Variants in SPMAP2L observed in about 807,000 individuals in gnomAD.
The protein encoded by SPMAP2L is sperm microtubule associated protein 2 like, also known as sperm microtubule associated protein 2-like.
the SPMAP2L span, among the ~76,000 whole-genome samples, chr4:56,544,724 G>A: frequency 2.6e-5 from 4 of 152,196 alleles, no homozygotes; most frequent in African/African-American, 9.7e-5. Flanking sequence ...CTGGTGGCCT[G>A]GTTGCCGGCC....
chr4:56,576,041 A>G, the SPMAP2L span, among the ~76,000 whole-genome samples: 1 of 152,242 alleles, frequency 6.6e-6, no homozygotes, highest in Non-Finnish European at 1.5e-5. Flanking sequence ...TACATTTTCC[A>G]TGGGAGCTAA....
At chr4:56,550,628 C>G in the SPMAP2L span, among the ~76,000 whole-genome samples, 1 of 151,960 alleles carries the variant, frequency 6.6e-6, no homozygotes, top group Non-Finnish European at 1.5e-5. Flanking sequence ...AGTTTGTGTC[C>G]CATAAATTTT....
chr4:56,619,875 A>G, the SPMAP2L span, among the ~76,000 whole-genome samples: 9 of 142,686 alleles, frequency 6.3e-5, no homozygotes, highest in Non-Finnish European at 1.1e-4. Flanking sequence ...TACTAAAAAA[A>G]CAAAAACAAA....
chr4:56,572,191 A>C, the SPMAP2L span, among the ~76,000 whole-genome samples: 1 of 152,228 alleles, frequency 6.6e-6, no homozygotes, highest in Non-Finnish European at 1.5e-5. Flanking sequence ...TTTACAGGGA[A>C]GTTAAAAAAA....
At chr4:56,588,300 C>CA in the SPMAP2L span, among the ~76,000 whole-genome samples, 1 of 152,176 alleles carries the variant, frequency 6.6e-6, no homozygotes, top group Non-Finnish European at 1.5e-5. Flanking sequence ...TTTTGCTGTG[C>CA]AAAAGCTCTT....
chr4:56,574,791 G>A, the SPMAP2L span, among the ~76,000 whole-genome samples: 2 of 151,974 alleles, frequency 1.3e-5, no homozygotes, highest in East Asian at 1.9e-4. Flanking sequence ...ACCAGCCTGG[G>A]GAACATAGTG....
chr4:56,564,624 C>T, the SPMAP2L span, among the ~76,000 whole-genome samples: 1 of 151,956 alleles, frequency 6.6e-6, no homozygotes, highest in Non-Finnish European at 1.5e-5. Flanking sequence ...TTTTTGGTTC[C>T]ATTGATTTTC....
chr4:56,562,227 T>C, the SPMAP2L span, among the ~76,000 whole-genome samples: 350 of 152,158 alleles, frequency 2.3e-3, 1 homozygote, highest in Non-Finnish European at 4.0e-3. Context: ...TTCGGAGGGA[T>C]CAAGGAGGAG....
chr4:56,572,398 C>T, the SPMAP2L span, among the ~76,000 whole-genome samples: 5,469 of 152,258 alleles, frequency 0.036, 131 homozygotes, highest in Middle Eastern at 0.11. Context: ...GGTCATTACA[C>T]GGTGCTTGAC....
chr4:56,561,715 A>G, the SPMAP2L span, among the ~76,000 whole-genome samples: 1 of 151,884 alleles, frequency 6.6e-6, no homozygotes, highest in African/African-American at 2.4e-5. Context: ...ACCATACTGG[A>G]AATCAAATTT....
the SPMAP2L span, among the ~76,000 whole-genome samples, chr4:56,544,779 G>A: frequency 1.3e-5 from 2 of 152,210 alleles, no homozygotes; most frequent in African/African-American, 4.8e-5. Context: ...CTGGCCCGAG[G>A]GCGGGAGGGA....
the SPMAP2L span, among the ~76,000 whole-genome samples, chr4:56,619,035 C>T: frequency 6.6e-6 from 1 of 152,256 alleles, no homozygotes. Context: ...TTTGCTTTCC[C>T]CTGGTCCTAC....
the SPMAP2L span, among the ~76,000 whole-genome samples, chr4:56,561,038 G>C: frequency 6.6e-6 from 1 of 152,132 alleles, no homozygotes; most frequent in Non-Finnish European, 1.5e-5. Flanking sequence ...GAGCCATCAC[G>C]CCTGGCCAGA....
the SPMAP2L span, among the ~76,000 whole-genome samples, chr4:56,559,843 A>C: frequency 6.6e-6 from 1 of 152,212 alleles, no homozygotes; most frequent in Admixed American, 6.5e-5. Context: ...CTGGGATTAC[A>C]GGCATGAGCC....
At chr4:56,591,840 G>A in the SPMAP2L span, among the ~76,000 whole-genome samples, 1 of 152,104 alleles carries the variant, frequency 6.6e-6, no homozygotes, top group African/African-American at 2.4e-5. Flanking sequence ...ATTGGCTTTG[G>A]CTTCTTTTTC....
the SPMAP2L span, among the ~76,000 whole-genome samples, chr4:56,548,989 TTC>T: frequency 5.6e-5 from 8 of 143,410 alleles, no homozygotes; most frequent in Admixed American, 1.4e-4. Context: ...TTTTCTTTCT[TTC>T]TTTTTTTTTT....
At chr4:56,554,354 T>C in the SPMAP2L span, among the ~76,000 whole-genome samples, 1 of 152,236 alleles carries the variant, frequency 6.6e-6, no homozygotes, top group African/African-American at 2.4e-5. Flanking sequence ...TTTGGTGGTG[T>C]CAGTGTTTGG....
the SPMAP2L span, among the ~76,000 whole-genome samples, chr4:56,623,791 C>T: frequency 6.6e-6 from 1 of 152,196 alleles, no homozygotes; most frequent in Non-Finnish European, 1.5e-5. Flanking sequence ...GGCCTCCCCA[C>T]TCATGTGGAA....
At chr4:56,602,956 C>A in the SPMAP2L span, among the ~76,000 whole-genome samples, 9 of 152,146 alleles carry the variant, frequency 5.9e-5, no homozygotes, top group Non-Finnish European at 1.0e-4. Flanking sequence ...GACTAAGCAA[C>A]TTCCTGAATT....
Sources: allele counts gnomAD v4.1 joint callset (sites outside exome capture counted in the v4.1 genomes callset), GRCh38; gene constraint gnomAD v4.1.1; transcripts MANE v1.5; gene names NCBI Gene and HGNC (gene_info 2026-07-23, HGNC 2026-07-21).